The following SDHAF4 variants were observed in gnomAD, a reference collection of about 807,000 sequenced individuals.
The protein encoded by SDHAF4 is succinate dehydrogenase assembly factor 4, mitochondrial.
SDHAF4 carries 14 observed loss-of-function variants against 14.3 expected under a neutral mutation model. The observed-to-expected ratio is 0.98, with a 90% confidence interval of 0.65 to 1.53. The LOEUF (loss-of-function observed/expected upper bound fraction) is 1.53. Ranked by LOEUF, SDHAF4 falls within the 40% of genes most tolerant of loss-of-function variation. The pLI is 0.00. For missense variants in SDHAF4, 141 were observed against 129.3 expected (o/e 1.09, Z -0.44); for synonymous variants, 63 against 47.3 (o/e 1.33, Z -1.36).
chr6:70,576,238 A>T (rs1287197477), intron 1 of SDHAF4, among the ~76,000 whole-genome samples: 2 of 152,216 alleles, frequency 1.3e-5, no homozygotes, highest in Non-Finnish European at 2.9e-5. Flanking sequence ...GAGGGGCATT[A>T]TCTTCCCCCG....
intron 2 of SDHAF4, 85 bp from the exon 3 acceptor site, chr6:70,588,526 TAATA>T (rs1765228856): frequency 5.0e-6 from 3 of 596,504 alleles, no homozygotes; most frequent in Non-Finnish European, 5.6e-6. Flanking sequence ...TCTCAAAAAA[TAATA>T]AATAAATAAA....
At chr6:70,572,675 G>T (rs1802200134) in intron 1 of SDHAF4, among the ~76,000 whole-genome samples, 1 of 151,148 alleles carries the variant, frequency 6.6e-6, no homozygotes, top group South Asian at 2.1e-4. Flanking sequence ...TGCAAATGGT[G>T]CATCTCACAT....
At chr6:70,578,961 G>A (rs1802288579) in intron 1 of SDHAF4, among the ~76,000 whole-genome samples, 1 of 152,172 alleles carries the variant, frequency 6.6e-6, no homozygotes, top group East Asian at 1.9e-4. Context: ...GACTACGGGT[G>A]CATGCCACCA....
downstream of SDHAF4, among the ~76,000 whole-genome samples, chr6:70,592,164 A>G (rs1765263310): frequency 6.6e-6 from 1 of 152,236 alleles, no homozygotes. Flanking sequence ...TTCTTTCAAA[A>G]TTACCCAGTA....
chr6:70,571,461 C>T (rs1321946720), intron 1 of SDHAF4, among the ~76,000 whole-genome samples: 1 of 152,122 alleles, frequency 6.6e-6, no homozygotes, highest in African/African-American at 2.4e-5. Context: ...ATTACAGGCA[C>T]ACGCCACCAC....
intron 1 of SDHAF4, among the ~76,000 whole-genome samples, chr6:70,570,120 ACTAC>A (rs1367601958): frequency 6.6e-6 from 1 of 152,160 alleles, no homozygotes; most frequent in Non-Finnish European, 1.5e-5. Flanking sequence ...CTGTGCTGAT[ACTAC>A]CTGTCTTGAT....
chr6:70,569,903 A>C (rs1044347571), intron 1 of SDHAF4, among the ~76,000 whole-genome samples: 2 of 152,144 alleles, frequency 1.3e-5, no homozygotes, highest in African/African-American at 4.8e-5. Flanking sequence ...TTATTCTACC[A>C]GGAATTGATG....
chr6:70,593,825 G>T (rs543160842), downstream of SDHAF4, among the ~76,000 whole-genome samples: 28 of 152,122 alleles, frequency 1.8e-4, no homozygotes, highest in African/African-American at 6.0e-4. Flanking sequence ...CTGAGTAGCT[G>T]GAATTACAGG....
At position 70,588,755 on chromosome 6, in the gene SDHAF4, T is replaced by G. The variant is rs764858149; in HGVS notation, c.*31T>G. 8 of 1,233,208 alleles carry G rather than the reference T, an allele frequency of 6.5e-6. No individual in the cohort carries two copies. In the African/African-American group the frequency reaches 1.2e-4, roughly 19 times the overall value. 76.4% of individuals were successfully genotyped at this position (1,233,208 alleles called of 1,614,324 possible). A position where few individuals can be genotyped will look rare whatever the true frequency, so the allele number is the denominator to read the frequency against. ...ATATTCTTTAACTTCAATATTGTTT[T>G]CTGAATATGTACATCTGAATTAACT... On this transcript the variant is annotated 3_prime_UTR_variant, in exon 3 of 3. Transcript: ENST00000370474.
the SDHAF4 span, among the ~76,000 whole-genome samples, chr6:70,595,247 T>G: frequency 0.2 from 29,982 of 152,142 alleles, 3,034 homozygotes; most frequent in Middle Eastern, 0.25. Context: ...CTTGAATTAC[T>G]TAGGAAGAAA....
chr6:70,585,038 G>A (rs1223965239), intron 2 of SDHAF4, among the ~76,000 whole-genome samples: 5 of 152,182 alleles, frequency 3.3e-5, no homozygotes, highest in African/African-American at 1.2e-4. Context: ...TAGAATGAGA[G>A]GCTGGAAATA....
At chr6:70,577,220 C>T in intron 1 of SDHAF4, among the ~76,000 whole-genome samples, 1 of 152,168 alleles carries the variant, frequency 6.6e-6, no homozygotes, top group East Asian at 1.9e-4. Context: ...TGATTAGCCA[C>T]CTTAATTCTG....
rs141029330 is a variant in SDHAF4, at chr6:70,588,883, T to A, written c.*159T>A. On this transcript the variant is annotated 3_prime_UTR_variant, in exon 3 of 3. Coordinates refer to ENST00000370474, the MANE Select transcript of SDHAF4 (RefSeq NM_145267.3). The stretch of plus-strand genomic sequence containing the variant: ...ATGGCTTTGGAAGAAAATATGCTGC[T>A]GTAAATTAGGAAAGGGAGACCAGCC... The A allele has an allele frequency of 8.6e-4, 236 of 274,410 alleles. 1 individual carries two copies. Among genetic ancestry groups the A allele is most frequent in the African/African-American group, 5.0e-3 (206 of 41,608 alleles). 17.0% of individuals were successfully genotyped at this position (274,410 alleles called of 1,614,324 possible).
At chr6:70,569,969 C>T (rs1037890715) in intron 1 of SDHAF4, among the ~76,000 whole-genome samples, 10 of 152,100 alleles carry the variant, frequency 6.6e-5, no homozygotes, top group African/African-American at 9.7e-5. Flanking sequence ...ATATCAAACA[C>T]TTGTCCCAGG....
At chr6:70,591,379 T>C (rs1398511198), downstream of SDHAF4, among the ~76,000 whole-genome samples, 2 of 135,008 alleles carry the variant, frequency 1.5e-5, no homozygotes, top group African/African-American at 5.7e-5. Flanking sequence ...GTCCCCAGGC[T>C]GGACTACAGT....
At chr6:70,569,351 A>G (rs796527898) in intron 1 of SDHAF4, among the ~76,000 whole-genome samples, 8 of 147,792 alleles carry the variant, frequency 5.4e-5, no homozygotes, top group African/African-American at 2.0e-4. Flanking sequence ...TCACTGCAAC[A>G]TCTGCCTCCT....
chr6:70,567,938 G>T (rs934128944), intron 1 of SDHAF4, among the ~76,000 whole-genome samples: 3 of 152,142 alleles, frequency 2.0e-5, no homozygotes, highest in African/African-American at 7.2e-5. Context: ...GCTCGCCTCG[G>T]CCTCCCAAAG....
intron 2 of SDHAF4, among the ~76,000 whole-genome samples, chr6:70,586,997 C>T (rs1765208958): frequency 6.6e-6 from 1 of 151,512 alleles, no homozygotes. Flanking sequence ...AGTAAAACCC[C>T]CATCTCTACT....
intron 1 of SDHAF4, among the ~76,000 whole-genome samples, chr6:70,572,049 T>C (rs991652172): frequency 5.5e-5 from 8 of 144,836 alleles, no homozygotes; most frequent in Non-Finnish European, 1.0e-4. Context: ...ACTTTCAGTC[T>C]TTTTTTGTCT....
Sources: allele counts gnomAD v4.1 joint callset (sites outside exome capture counted in the v4.1 genomes callset), GRCh38; gene constraint gnomAD v4.1.1; transcripts MANE v1.5; gene names NCBI Gene and HGNC (gene_info 2026-07-23, HGNC 2026-07-21).